Variants in IFT80 observed in about 807,000 individuals in gnomAD.
IFT80 encodes the protein intraflagellar transport protein 80 homolog.
IFT80 carries 79 observed loss-of-function variants against 107.9 expected under a neutral mutation model. That is an observed-to-expected ratio of 0.73 (90% confidence interval 0.61 to 0.88). The LOEUF (loss-of-function observed/expected upper bound fraction) is 0.88, where lower values mean the gene tolerates loss of function less well. Ranked by LOEUF, IFT80 falls within the 40% of genes least tolerant of loss-of-function variation. The probability of loss-of-function intolerance (pLI) is 0.00; values close to 1 mark genes in which losing one functional copy is unlikely to be tolerated. For synonymous variants in IFT80, 299 were observed against 300.9 expected (o/e 0.99, Z 0.07); for missense variants, 797 against 914.2 (o/e 0.87, Z 1.65).
intron 19 of IFT80, among the ~76,000 whole-genome samples, chr3:160,260,453 A>C (rs570599830): frequency 6.6e-6 from 1 of 152,354 alleles, no homozygotes; most frequent in South Asian, 2.1e-4. Context: ...CAATCACAAT[A>C]AAACCATACA....
chr3:160,289,887 C>T (rs942658691), intron 12 of IFT80, among the ~76,000 whole-genome samples: 23 of 152,058 alleles, frequency 1.5e-4, no homozygotes, highest in East Asian at 7.7e-4. Context: ...GACACCTTGA[C>T]GCAGAAGTGC....
intron 5 of IFT80, among the ~76,000 whole-genome samples, chr3:160,373,216 C>T (rs1711681458): frequency 6.6e-6 from 1 of 152,062 alleles, no homozygotes; most frequent in Admixed American, 6.5e-5. Context: ...CCAAAATGTC[C>T]TGATTTTTAA....
At chr3:160,284,379 G>A (rs1260642140) in intron 13 of IFT80, among the ~76,000 whole-genome samples, 1 of 152,010 alleles carries the variant, frequency 6.6e-6, no homozygotes, top group Non-Finnish European at 1.5e-5. Context: ...TACTCCTTTT[G>A]ATATGCTTAA....
chr3:160,311,200 A>G (rs1717222314), intron 9 of IFT80, among the ~76,000 whole-genome samples: 1 of 152,214 alleles, frequency 6.6e-6, no homozygotes, highest in South Asian at 2.1e-4. Context: ...TCAGTCAAAT[A>G]CAGAATGTGG....
Position 160,399,027 on chromosome 3 carries a change from G to A in IFT80, c.-47+119C>T, listed in dbSNP as rs552531073. ...TACACCCGGAGCCCCGCTGCCGCCA[G>A]GGAGACAGAAAATGATGCTCCACGA... On this transcript the variant is annotated intron_variant, in intron 1 of 19. Transcript: ENST00000326448. The A allele has an allele frequency of 2.6e-5, 4 of 152,324 alleles. No homozygotes were observed. The South Asian group carries it at 6.2e-4, about 24-fold the overall frequency. The allele number at this position is 152,324 out of a possible 1,614,324, so 9.4% of individuals were successfully genotyped here. A position where few individuals can be genotyped will look rare whatever the true frequency, so the allele number is the denominator to read the frequency against.
At chr3:160,388,897 T>C (rs575840848) in intron 1 of IFT80, among the ~76,000 whole-genome samples, 3 of 152,154 alleles carry the variant, frequency 2.0e-5, no homozygotes, top group Non-Finnish European at 4.4e-5. Flanking sequence ...ACAAGCCTAG[T>C]AATGAGGACA....
rs2108397057 is a variant in IFT80, at chr3:160,377,536, T to C, written c.264A>G (p.Lys88=). 6.4e-7 allele frequency: 1 copy of C among 1,571,016 alleles called. No individual in the cohort carries two copies. Among genetic ancestry groups the C allele is most frequent in the East Asian group, 2.2e-5 (1 of 44,554 alleles). ...ESFVLTSSDG[K]FHLISKLGRV... ...TTCCTAACTTGGAAATCAGATGAAATTTACCTGAAAGAAATTACATTTGAA... is the reference window on the plus strand; with the variant it reads ...TTCCTAACTTGGAAATCAGATGAAACTTACCTGAAAGAAATTACATTTGAA... Residue 88 remains lysine (K), a synonymous_variant, in exon 4 of 20, where the codon AAA becomes AAG. Transcript: ENST00000326448.
chr3:160,299,336 T>A, intron 12 of IFT80: 1 of 583,354 alleles, frequency 1.7e-6, no homozygotes, highest in Non-Finnish European at 2.3e-6. Flanking sequence ...GTATAAGAGG[T>A]GCTATTATCT....
At chr3:160,350,670 C>T (rs1336697303) in intron 8 of IFT80, among the ~76,000 whole-genome samples, 1 of 152,006 alleles carries the variant, frequency 6.6e-6, no homozygotes, top group African/African-American at 2.4e-5. Context: ...CAAAAATTAG[C>T]TGGGCGTGGT....
At chr3:160,393,832 C>A (rs1324966735) in intron 1 of IFT80, among the ~76,000 whole-genome samples, 3 of 152,030 alleles carry the variant, frequency 2.0e-5, no homozygotes, top group African/African-American at 7.2e-5. Flanking sequence ...TAGTAGTGAA[C>A]AAGAATGTGA....
At chr3:160,346,428 T>C (rs2108344575) in intron 8 of IFT80, among the ~76,000 whole-genome samples, 1 of 152,320 alleles carries the variant, frequency 6.6e-6, no homozygotes, top group Non-Finnish European at 1.5e-5. Flanking sequence ...AGTCTTTGTG[T>C]AATAAGTCCA....
At chr3:160,265,434 T>G (rs1456896542) in intron 19 of IFT80, among the ~76,000 whole-genome samples, 1 of 152,220 alleles carries the variant, frequency 6.6e-6, no homozygotes, top group African/African-American at 2.4e-5. Flanking sequence ...CTTTTTCTTT[T>G]TCCTAGCAAA....
intron 6 of IFT80, among the ~76,000 whole-genome samples, chr3:160,361,259 AAGAT>A (rs1158379524): frequency 6.6e-6 from 1 of 152,210 alleles, no homozygotes; most frequent in Non-Finnish European, 1.5e-5. Context: ...TAAACCAACA[AAGAT>A]CAAAAGGGAC....
intron 8 of IFT80, among the ~76,000 whole-genome samples, chr3:160,323,563 A>T (rs1039087146): frequency 6.6e-6 from 1 of 152,120 alleles, no homozygotes; most frequent in African/African-American, 2.4e-5. Context: ...AGAAATAAAG[A>T]TGTTCTTTGA....
chr3:160,286,742 A>G (rs1715123220), intron 12 of IFT80, among the ~76,000 whole-genome samples: 1 of 152,160 alleles, frequency 6.6e-6, no homozygotes, highest in African/African-American at 2.4e-5. Flanking sequence ...CAAAGGAAAA[A>G]CATGTTGAAT....
intron 10 of IFT80, among the ~76,000 whole-genome samples, chr3:160,305,790 A>T (rs918004860): frequency 6.6e-6 from 1 of 152,144 alleles, no homozygotes; most frequent in Non-Finnish European, 1.5e-5. Flanking sequence ...TATTTTTATT[A>T]CTAAAAAATA....
intron 8 of IFT80, among the ~76,000 whole-genome samples, chr3:160,334,766 TTTTG>T (rs370483586): frequency 2.3e-3 from 351 of 151,872 alleles, no homozygotes; most frequent in African/African-American, 7.5e-3. Context: ...GGGTTTTTTG[TTTTG>T]TTTATTTTTT....
At chr3:160,321,538 T>G (rs1315359187) in intron 8 of IFT80, among the ~76,000 whole-genome samples, 1 of 151,984 alleles carries the variant, frequency 6.6e-6, no homozygotes, top group Non-Finnish European at 1.5e-5. Flanking sequence ...AGCCTGAAAC[T>G]ATAGAAGGTG....
intron 8 of IFT80, among the ~76,000 whole-genome samples, chr3:160,325,530 A>T (rs1718618004): frequency 6.6e-6 from 1 of 152,094 alleles, no homozygotes; most frequent in African/African-American, 2.4e-5. Context: ...AACCAACAAA[A>T]ATAAAATCTG....
Sources: gnomAD v4.1 joint callset for allele counts (sites outside exome capture counted in the v4.1 genomes callset) on GRCh38, gnomAD v4.1.1 for gene constraint, MANE v1.5 for transcripts, NCBI Gene and HGNC (gene_info 2026-07-23, HGNC 2026-07-21) for gene names.